Variants in SUPT3H observed in about 807,000 individuals in gnomAD.
The protein encoded by SUPT3H is SPT3 homolog, SAGA and STAGA complex component.
A neutral mutation model predicts 44.3 loss-of-function variants in SUPT3H; 44 were observed. That is an observed-to-expected ratio of 0.99 (90% CI 0.78 to 1.28). SUPT3H has a LOEUF of 1.28. SUPT3H is among the 50% of genes most tolerant of loss of function. The pLI is 0.00. For missense variants in SUPT3H, 380 were observed against 387.1 expected (o/e 0.98, Z 0.15); for synonymous variants, 124 against 125.6 (o/e 0.99, Z 0.09).
At chr6:45,073,191 T>A (rs3920903) in intron 3 of SUPT3H, among the ~76,000 whole-genome samples, 88,669 of 151,698 alleles carry the variant, frequency 0.58, 26,680 homozygotes, top group African/African-American at 0.73. Context: ...CAAACATATG[T>A]GTCTATATAA....
At chr6:44,889,113 A>G (rs1762835185) in intron 10 of SUPT3H, among the ~76,000 whole-genome samples, 1 of 151,842 alleles carries the variant, frequency 6.6e-6, no homozygotes, top group Non-Finnish European at 1.5e-5. Context: ...AATGAAATAA[A>G]AGAGGATACA....
At chr6:44,914,920 G>A (rs1239247742) in intron 10 of SUPT3H, among the ~76,000 whole-genome samples, 1 of 152,140 alleles carries the variant, frequency 6.6e-6, no homozygotes, top group Non-Finnish European at 1.5e-5. Flanking sequence ...CAAAGCTTAG[G>A]ACTAGATCCA....
chr6:44,978,282 C>A (rs558453365), intron 6 of SUPT3H, among the ~76,000 whole-genome samples: 1 of 152,146 alleles, frequency 6.6e-6, no homozygotes, highest in South Asian at 2.1e-4. Flanking sequence ...TATGTTATCA[C>A]AAATCCTTCC....
At chr6:44,812,745 C>T (rs557425) in intron 11 of SUPT3H, among the ~76,000 whole-genome samples, 3,107 of 152,176 alleles carry the variant, frequency 0.02, 42 homozygotes, top group Non-Finnish European at 0.033. Context: ...AACTGTGAGA[C>T]GAAGTGAGGC....
chr6:44,908,805 T>C (rs1035805848), intron 10 of SUPT3H, among the ~76,000 whole-genome samples: 2 of 151,956 alleles, frequency 1.3e-5, no homozygotes, highest in Non-Finnish European at 2.9e-5. Flanking sequence ...AAAAAAAATA[T>C]TGAAATATTT....
intron 2 of SUPT3H, among the ~76,000 whole-genome samples, chr6:45,127,355 G>C (rs1240964656): frequency 6.6e-6 from 1 of 151,958 alleles, no homozygotes. Context: ...TATGAACACT[G>C]TCCTCATACA....
chr6:45,361,091 G>A (rs900186500), intron 2 of SUPT3H, among the ~76,000 whole-genome samples: 14 of 152,094 alleles, frequency 9.2e-5, no homozygotes, highest in African/African-American at 3.1e-4. Context: ...TGGCAACATA[G>A]AGACCCCATC....
At position 44,943,855 on chromosome 6, in the gene SUPT3H, C is replaced by G. The variant is rs79303388; in HGVS notation, c.801+9455G>C. Reference sequence around the variant, plus strand: ...AATATCAAAACTAAGATAACCATCACTAGCTAACTTGCACTACAACAAATG... The same window carrying G: ...AATATCAAAACTAAGATAACCATCAGTAGCTAACTTGCACTACAACAAATG... On this transcript the variant is annotated intron_variant, in intron 9 of 10. Coordinates refer to ENST00000371459, the MANE Select transcript of SUPT3H (RefSeq NM_003599.4). Among the ~76,000 whole-genome samples the G allele has an allele frequency of 2.8e-3, 427 of 152,140 alleles. 8 individuals carry two copies. Among genetic ancestry groups the G allele is most frequent in the Non-Finnish European group, 4.1e-4 (28 of 67,972 alleles).
At chr6:45,234,374 T>C (rs1768668928) in intron 2 of SUPT3H, among the ~76,000 whole-genome samples, 1 of 151,796 alleles carries the variant, frequency 6.6e-6, no homozygotes, top group Non-Finnish European at 1.5e-5. Context: ...CTACTAATAC[T>C]ACAAAAATCA....
intron 3 of SUPT3H, among the ~76,000 whole-genome samples, chr6:45,063,079 G>C (rs912329757): frequency 6.8e-6 from 1 of 147,966 alleles, no homozygotes; most frequent in Non-Finnish European, 1.5e-5. Flanking sequence ...GCTTTGAAGA[G>C]AGCAGTGGTT....
At chr6:45,157,973 T>C (rs1309724255) in intron 2 of SUPT3H, among the ~76,000 whole-genome samples, 1 of 150,624 alleles carries the variant, frequency 6.6e-6, no homozygotes, top group Non-Finnish European at 1.5e-5. Context: ...ATTATAGTAA[T>C]TATTAATAAT....
intron 2 of SUPT3H, among the ~76,000 whole-genome samples, chr6:45,231,697 A>C (rs1080415): frequency 0.59 from 89,559 of 151,952 alleles, 27,316 homozygotes; most frequent in African/African-American, 0.75. Flanking sequence ...GAACCCCTTC[A>C]TTCTCTCCTC....
At chr6:45,271,124 A>C (rs1382928415) in intron 2 of SUPT3H, among the ~76,000 whole-genome samples, 1 of 152,202 alleles carries the variant, frequency 6.6e-6, no homozygotes, top group South Asian at 2.1e-4. Context: ...AGAGCATAAA[A>C]GTTTGGAAAA....
chr6:44,850,546 G>C (rs936327110), intron 10 of SUPT3H, among the ~76,000 whole-genome samples: 2 of 152,128 alleles, frequency 1.3e-5, no homozygotes, highest in African/African-American at 4.8e-5. Context: ...CTCAGGGCCA[G>C]TGCAGGAGAA....
intron 9 of SUPT3H, among the ~76,000 whole-genome samples, chr6:44,943,955 A>G (rs1772876363): frequency 6.6e-6 from 1 of 152,122 alleles, no homozygotes; most frequent in African/African-American, 2.4e-5. Context: ...AATAAAGAAC[A>G]ATGGGAATGG....
chr6:44,900,844 C>T (rs1454124574), intron 10 of SUPT3H, among the ~76,000 whole-genome samples: 1 of 152,194 alleles, frequency 6.6e-6, no homozygotes, highest in African/African-American at 2.4e-5. Flanking sequence ...AACGATCAGG[C>T]AGCAACATTT....
At chr6:45,250,474 G>A (rs978053012) in intron 2 of SUPT3H, among the ~76,000 whole-genome samples, 1 of 151,812 alleles carries the variant, frequency 6.6e-6, no homozygotes, top group South Asian at 2.1e-4. Flanking sequence ...AGATAAAGTT[G>A]AGAATAATCT....
chr6:45,075,882 C>T (rs945498984), intron 3 of SUPT3H, among the ~76,000 whole-genome samples: 2 of 151,966 alleles, frequency 1.3e-5, no homozygotes, highest in African/African-American at 4.8e-5. Flanking sequence ...TCTAAAATTA[C>T]TATGCTTGTG....
At chr6:45,326,040 A>G (rs1344838943) in intron 2 of SUPT3H, among the ~76,000 whole-genome samples, 2 of 151,862 alleles carry the variant, frequency 1.3e-5, no homozygotes, top group Non-Finnish European at 2.9e-5. Flanking sequence ...ATCCTGGTCC[A>G]AAAATTACAT....
Sources: gnomAD v4.1 joint callset for allele counts (sites outside exome capture counted in the v4.1 genomes callset) on GRCh38, gnomAD v4.1.1 for gene constraint, MANE v1.5 for transcripts, NCBI Gene and HGNC (gene_info 2026-07-23, HGNC 2026-07-21) for gene names.